MRPS28: variants seen among roughly 807,000 people sequenced by gnomAD.
The protein encoded by MRPS28 is mitochondrial ribosomal protein S28.
MRPS28 carries 7 observed loss-of-function variants against 10.8 expected under a neutral mutation model. That is an observed-to-expected ratio of 0.65 (90% CI 0.37 to 1.22). MRPS28 has a LOEUF of 1.22. MRPS28 is among the 50% of genes most tolerant of loss of function. The pLI is 0.02. For synonymous variants in MRPS28, 121 were observed against 93.3 expected, an observed-to-expected ratio of 1.30 and a Z score of -1.71; for missense variants, 265 against 232.9, an observed-to-expected ratio of 1.14 and a Z score of -0.90.
intron 1 of MRPS28, among the ~76,000 whole-genome samples, chr8:80,008,936 A>G (rs1401395240): frequency 2.6e-5 from 4 of 152,244 alleles, no homozygotes; most frequent in Non-Finnish European, 2.9e-5. Flanking sequence ...TATATACCCA[A>G]AGGATTATAA....
chr8:80,016,611 TAAAG>T (rs1033573036), intron 1 of MRPS28, among the ~76,000 whole-genome samples: 3 of 152,192 alleles, frequency 2.0e-5, no homozygotes, highest in Non-Finnish European at 4.4e-5. Flanking sequence ...CTACATTACA[TAAAG>T]AAAGGCAGAA....
At chr8:80,025,906 C>G (rs1809483229) in intron 1 of MRPS28, among the ~76,000 whole-genome samples, 1 of 152,074 alleles carries the variant, frequency 6.6e-6, no homozygotes, top group Admixed American at 6.5e-5. Context: ...TACTACGAAC[C>G]AATTAATGTT....
At chr8:79,966,511 A>G (rs1807507179) in intron 2 of MRPS28, among the ~76,000 whole-genome samples, 1 of 149,538 alleles carries the variant, frequency 6.7e-6, no homozygotes, top group Non-Finnish European at 1.5e-5. Context: ...TGCTCTCAAT[A>G]CAATTATGCT....
chr8:79,982,410 G>A (rs1807986647), intron 2 of MRPS28, among the ~76,000 whole-genome samples: 1 of 152,196 alleles, frequency 6.6e-6, no homozygotes, highest in Non-Finnish European at 1.5e-5. Context: ...CAGACAGTGG[G>A]CGCAGGACAG....
chr8:79,949,611 A>G lies in MRPS28; in HGVS notation c.396-30463T>C, dbSNP rs555779669. On this transcript the variant is annotated intron_variant, in intron 2 of 2. Coordinates refer to ENST00000276585, the MANE Select transcript of MRPS28 (RefSeq NM_014018.3). ...CTTTCCAGATATCTCCTATAATCAG[A>G]TATTATGTAGTATAATTAATATGTA... is the stretch of plus-strand genomic sequence containing the variant. Among the ~76,000 whole-genome samples the G allele has an allele frequency of 7.4e-4, 112 of 152,280 alleles. 1 individual carries two copies. Among genetic ancestry groups the G allele is most frequent in the Non-Finnish European group, 1.2e-3 (79 of 68,018 alleles).
intron 2 of MRPS28, among the ~76,000 whole-genome samples, chr8:79,998,607 A>C (rs1177364360): frequency 6.6e-6 from 1 of 152,214 alleles, no homozygotes; most frequent in Non-Finnish European, 1.5e-5. Flanking sequence ...CACATTAAAC[A>C]AAATTGTCCC....
At chr8:79,954,704 G>A (rs1807160780) in intron 2 of MRPS28, among the ~76,000 whole-genome samples, 1 of 152,174 alleles carries the variant, frequency 6.6e-6, no homozygotes, top group Non-Finnish European at 1.5e-5. Flanking sequence ...CAATTCTCTT[G>A]AAAACTTTGT....
rs1809643712 is a variant in MRPS28 at position 80,030,087 on chromosome 8, G to A, written c.162C>T (p.Ser54=). 1 of 1,611,116 alleles carries A rather than the reference G, an allele frequency of 6.2e-7. No homozygotes were observed. Among genetic ancestry groups the A allele is most frequent in the Non-Finnish European group, 8.5e-7 (1 of 1,179,584 alleles). The change falls in exon 1 of 3, where the codon AGC becomes AGT. Residue 54 remains serine, a synonymous_variant. Transcript: ENST00000276585. ...EPKTRAGGFA[S]ALERHSELLQ... is the part of the protein sequence containing the mutation. ...GAAGCTCCGAGTGCCGCTCCAACGC[G>A]CTCGCGAAACCGCCTGCGCGCGTCT... is the stretch of plus-strand genomic sequence containing the variant.
chr8:79,993,529 A>T (rs539244805), intron 2 of MRPS28, among the ~76,000 whole-genome samples: 1 of 152,340 alleles, frequency 6.6e-6, no homozygotes, highest in East Asian at 1.9e-4. Context: ...TTCAGTCTGA[A>T]TTACATGAGT....
chr8:80,017,201 T>C (rs532205341), intron 1 of MRPS28, among the ~76,000 whole-genome samples: 11 of 152,212 alleles, frequency 7.2e-5, no homozygotes, highest in African/African-American at 2.4e-4. Flanking sequence ...CTAAATAACA[T>C]GAGTCAAACA....
At chr8:79,994,817 G>A (rs1563537173) in intron 2 of MRPS28, among the ~76,000 whole-genome samples, 1 of 151,868 alleles carries the variant, frequency 6.6e-6, no homozygotes, top group Non-Finnish European at 1.5e-5. Context: ...CTGGCTCCTG[G>A]TCATCTCCCC....
At chr8:79,977,913 T>A (rs1352997019) in intron 2 of MRPS28, among the ~76,000 whole-genome samples, 2 of 152,018 alleles carry the variant, frequency 1.3e-5, no homozygotes, top group East Asian at 3.8e-4. Context: ...TATTTTATAT[T>A]TATGATATAT....
At chr8:80,015,984 A>C (rs1194372440) in intron 1 of MRPS28, among the ~76,000 whole-genome samples, 1 of 152,168 alleles carries the variant, frequency 6.6e-6, no homozygotes, top group African/African-American at 2.4e-5. Context: ...AAAAACTGCC[A>C]AAACTGAAAA....
At chr8:80,025,620 C>A (rs1809476516) in intron 1 of MRPS28, among the ~76,000 whole-genome samples, 1 of 152,166 alleles carries the variant, frequency 6.6e-6, no homozygotes, top group African/African-American at 2.4e-5. Context: ...GAAAAATAGT[C>A]ATACTTAGGT....
chr8:79,918,872 TTTTA>T lies in MRPS28; in HGVS notation c.*104_*107del. On this transcript the variant is annotated 3_prime_UTR_variant, in exon 3 of 3. Transcript: ENST00000276585. ...AATAAGAGTTATCTATAATTATAGC[TTTTA>T]TTTATTATATCTTCATTCAATCATT... 4.4e-6 allele frequency: 4 copies of T among 909,284 alleles called. No individual in the cohort carries two copies. Among genetic ancestry groups the T allele is most frequent in the South Asian group, 3.3e-5 (1 of 30,316 alleles). The allele number at this position is 909,284 out of a possible 1,614,324, so 56.3% of individuals were successfully genotyped here.
At position 80,000,951 on chromosome 8, in the gene MRPS28, G is replaced by A. The variant is rs113179278; in HGVS notation, c.395+2048C>T. Among the ~76,000 whole-genome samples the A allele has an allele frequency of 7.1e-3, 1,078 of 152,144 alleles. 4 individuals carry two copies. Among genetic ancestry groups the A allele is most frequent in the Non-Finnish European group, 0.01 (705 of 68,002 alleles). On this transcript the variant is annotated intron_variant, in intron 2 of 2. Coordinates refer to ENST00000276585, the MANE Select transcript of MRPS28 (RefSeq NM_014018.3). ...TTCAATGAGAAAAAAGAACAGTGCCGACAAAAGAATATCCCCAAAGAAATA... is the reference window on the plus strand; with the variant it reads ...TTCAATGAGAAAAAAGAACAGTGCCAACAAAAGAATATCCCCAAAGAAATA...
chr8:79,961,023 T>C (rs1807360265), intron 2 of MRPS28, among the ~76,000 whole-genome samples: 1 of 152,084 alleles, frequency 6.6e-6, no homozygotes, highest in Non-Finnish European at 1.5e-5. Context: ...AGCTCTCTGT[T>C]GAGGCCGGCC....
intron 2 of MRPS28, among the ~76,000 whole-genome samples, chr8:79,983,304 TA>T (rs2130086736): frequency 6.6e-6 from 1 of 151,580 alleles, no homozygotes; most frequent in East Asian, 1.9e-4. Context: ...CAAAAGTAGA[TA>T]AAACCACAAA....
At chr8:79,955,115 T>C (rs1401610169) in intron 2 of MRPS28, among the ~76,000 whole-genome samples, 1 of 152,234 alleles carries the variant, frequency 6.6e-6, no homozygotes, top group Non-Finnish European at 1.5e-5. Context: ...GGTACTGCTT[T>C]AAGTTATTCT....
Sources: gnomAD v4.1 joint callset for allele counts (sites outside exome capture counted in the v4.1 genomes callset) on GRCh38, gnomAD v4.1.1 for gene constraint, MANE v1.5 for transcripts, NCBI Gene and HGNC (gene_info 2026-07-23, HGNC 2026-07-21) for gene names.